TMC1: variants seen among roughly 807,000 people sequenced by gnomAD.
TMC1 encodes the protein transmembrane channel like 1, also known as transmembrane channel-like protein 1.
Under a neutral mutation model 105.8 loss-of-function variants are expected in TMC1, and 84 were observed. The observed-to-expected ratio is 0.79, with a 90% CI of 0.67 to 0.95. The LOEUF is 0.95. Among genes scored for constraint, TMC1 ranks in the 40% least tolerant of loss-of-function variants. The probability of loss-of-function intolerance (pLI) is 0.00; values close to 1 mark genes in which losing one functional copy is unlikely to be tolerated. For synonymous variants in TMC1, 315 were observed against 311.5 expected (o/e 1.01, Z -0.12); for missense variants, 817 against 914.1 (o/e 0.89, Z 1.37).
At chr9:72,541,024 T>G (rs1465507785) in intron 1 of TMC1, among the ~76,000 whole-genome samples, 1 of 152,198 alleles carries the variant, frequency 6.6e-6, no homozygotes, top group African/African-American at 2.4e-5. Context: ...TGTGGCCAGG[T>G]CCTGAACTGA....
At chr9:72,793,744 G>A (rs886809670) in intron 17 of TMC1, among the ~76,000 whole-genome samples, 2 of 152,170 alleles carry the variant, frequency 1.3e-5, no homozygotes, top group Non-Finnish European at 2.9e-5. Context: ...GACGGATGTG[G>A]GGTCCCAATA....
chr9:72,730,062 A>T (rs1358644433), intron 8 of TMC1, among the ~76,000 whole-genome samples: 1 of 152,246 alleles, frequency 6.6e-6, no homozygotes, highest in African/African-American at 2.4e-5. Context: ...TCATAGATAA[A>T]ATATATATAT....
chr9:72,686,794 C>T (rs1826387298), intron 5 of TMC1, among the ~76,000 whole-genome samples: 1 of 152,206 alleles, frequency 6.6e-6, no homozygotes, highest in Non-Finnish European at 1.5e-5. Flanking sequence ...AGAGGAGGGA[C>T]TGGGTCATTT....
At chr9:72,661,087 G>T (rs1051913223) in intron 5 of TMC1, among the ~76,000 whole-genome samples, 1 of 152,132 alleles carries the variant, frequency 6.6e-6, no homozygotes, top group Non-Finnish European at 1.5e-5. Context: ...GGGAGGCAGA[G>T]GTTGCAGTGA....
intron 4 of TMC1, among the ~76,000 whole-genome samples, chr9:72,642,457 G>A (rs2132144999): frequency 1.3e-5 from 2 of 152,316 alleles, no homozygotes; most frequent in South Asian, 4.1e-4. Context: ...CTAGGGATTG[G>A]ACAGGCAATA....
At chr9:72,564,185 A>C (rs1202962150) in intron 1 of TMC1, among the ~76,000 whole-genome samples, 1 of 152,184 alleles carries the variant, frequency 6.6e-6, no homozygotes, top group African/African-American at 2.4e-5. Context: ...GGTTCTGCTT[A>C]AAACTTCCCC....
chr9:72,613,720 A>G (rs1825074711), intron 2 of TMC1, among the ~76,000 whole-genome samples: 1 of 152,020 alleles, frequency 6.6e-6, no homozygotes, highest in Non-Finnish European at 1.5e-5. Flanking sequence ...ATCCAAAAAT[A>G]AGAATACTGA....
intron 1 of TMC1, among the ~76,000 whole-genome samples, chr9:72,533,477 C>T (rs1172538779): frequency 6.6e-6 from 1 of 152,196 alleles, no homozygotes; most frequent in Admixed American, 6.5e-5. Context: ...CCAGAGGTGT[C>T]TCCCAGCAAC....
intron 13 of TMC1, among the ~76,000 whole-genome samples, chr9:72,782,157 A>G (rs1466645591): frequency 6.6e-6 from 1 of 152,230 alleles, no homozygotes; most frequent in Non-Finnish European, 1.5e-5. Flanking sequence ...TTGGTTCAAC[A>G]TACACAAATA....
At chr9:72,680,508 C>T (rs1380799149) in intron 5 of TMC1, among the ~76,000 whole-genome samples, 1 of 152,054 alleles carries the variant, frequency 6.6e-6, no homozygotes, top group East Asian at 1.9e-4. Flanking sequence ...TAGTTAATGA[C>T]TTGCTTTTTC....
intron 1 of TMC1, among the ~76,000 whole-genome samples, chr9:72,560,509 T>G (rs1824026105): frequency 6.6e-6 from 1 of 151,940 alleles, no homozygotes; most frequent in Non-Finnish European, 1.5e-5. Context: ...TTTCTTTTTC[T>G]TTTTTTTGAG....
intron 12 of TMC1, among the ~76,000 whole-genome samples, chr9:72,759,302 T>C (rs1156754665): frequency 1.3e-5 from 2 of 152,076 alleles, no homozygotes; most frequent in African/African-American, 2.4e-5. Context: ...TGACTTTTTG[T>C]CTAAGTGCCT....
chr9:72,667,464 C>T (rs1160326522), intron 5 of TMC1, among the ~76,000 whole-genome samples: 3 of 152,186 alleles, frequency 2.0e-5, no homozygotes, highest in Non-Finnish European at 4.4e-5. Context: ...AATCTCTCAC[C>T]TGCTCATGTT....
At chr9:72,666,149 C>G (rs1826038992) in intron 5 of TMC1, among the ~76,000 whole-genome samples, 2 of 152,098 alleles carry the variant, frequency 1.3e-5, no homozygotes, top group South Asian at 4.1e-4. Context: ...GGCAGCGTGG[C>G]TTACGCCAGT....
At chr9:72,624,751 G>A (rs1363559877) in intron 3 of TMC1, among the ~76,000 whole-genome samples, 5 of 152,202 alleles carry the variant, frequency 3.3e-5, no homozygotes, top group African/African-American at 1.2e-4. Flanking sequence ...ACAGATTCAG[G>A]TGGTACAGCT....
chr9:72,549,699 C>G (rs1172880094), intron 1 of TMC1, among the ~76,000 whole-genome samples: 14 of 151,870 alleles, frequency 9.2e-5, no homozygotes, highest in Non-Finnish European at 1.9e-4. Context: ...CAACCTCCAC[C>G]TCCTGGGTTC....
chr9:72,701,284 G>A (rs1826641652), intron 8 of TMC1, among the ~76,000 whole-genome samples: 1 of 152,162 alleles, frequency 6.6e-6, no homozygotes, highest in Admixed American at 6.5e-5. Context: ...TCAGTCTTAT[G>A]TTGATGCTAA....
At chr9:72,815,323 GC>G (rs1295127701) in intron 18 of TMC1, among the ~76,000 whole-genome samples, 1 of 152,060 alleles carries the variant, frequency 6.6e-6, no homozygotes, top group Non-Finnish European at 1.5e-5. Flanking sequence ...TAGTGTTGCT[GC>G]CCTGAGCATG....
intron 2 of TMC1, among the ~76,000 whole-genome samples, chr9:72,597,818 G>A (rs1490210339): frequency 6.6e-6 from 1 of 152,110 alleles, no homozygotes; most frequent in Non-Finnish European, 1.5e-5. Flanking sequence ...TCTTCTCAGG[G>A]ATTACTGTCG....
Sources: gnomAD v4.1 joint callset for allele counts (sites outside exome capture counted in the v4.1 genomes callset) on GRCh38, gnomAD v4.1.1 for gene constraint, MANE v1.5 for transcripts, NCBI Gene and HGNC (gene_info 2026-07-23, HGNC 2026-07-21) for gene names.